Variants in ROBO2 observed in about 807,000 individuals in gnomAD.
ROBO2 encodes the protein roundabout homolog 2.
In ROBO2, 53 loss-of-function variants were observed where a neutral mutation model predicts 160.8. The ratio of observed to expected loss-of-function variants is 0.33; its 90% CI spans 0.26 to 0.41. The LOEUF is 0.41. Among genes scored for constraint, ROBO2 ranks in the 10% least tolerant of loss-of-function variants. The pLI is 1.00. For synonymous variants in ROBO2, 664 were observed against 611.7 expected, an observed-to-expected ratio of 1.09 and a Z score of -1.26; for missense variants, 1,577 against 1,722.4, an observed-to-expected ratio of 0.92 and a Z score of 1.49.
chr3:77,296,745 A>C (rs1006672714), intron 2 of ROBO2, among the ~76,000 whole-genome samples: 1 of 152,106 alleles, frequency 6.6e-6, no homozygotes, highest in African/African-American at 2.4e-5. Flanking sequence ...CTGAAAGGTT[A>C]CTTGCTGCTC....
chr3:77,031,252 A>G (rs1262088241), intron 2 of ROBO2, among the ~76,000 whole-genome samples: 2 of 152,080 alleles, frequency 1.3e-5, no homozygotes, highest in Non-Finnish European at 1.5e-5. Context: ...CAATATAACA[A>G]GAAATAGCCG....
At chr3:76,786,069 C>A (rs1441436049) in intron 2 of ROBO2, among the ~76,000 whole-genome samples, 1 of 151,126 alleles carries the variant, frequency 6.6e-6, no homozygotes, top group Non-Finnish European at 1.5e-5. Flanking sequence ...AGTTGGAAAA[C>A]CCATATATCA....
At chr3:76,706,769 G>A (rs2093171285) in intron 2 of ROBO2, among the ~76,000 whole-genome samples, 1 of 151,952 alleles carries the variant, frequency 6.6e-6, no homozygotes, top group Admixed American at 6.6e-5. Flanking sequence ...TAATGATTTA[G>A]TTAAGTGTTT....
At chr3:77,451,487 A>C (rs942810438) in intron 2 of ROBO2, among the ~76,000 whole-genome samples, 4 of 152,136 alleles carry the variant, frequency 2.6e-5, no homozygotes, top group Non-Finnish European at 4.4e-5. Flanking sequence ...ACGAAGGTCC[A>C]TAGGGTACAG....
chr3:77,600,883 T>C (rs781269048), intron 19 of ROBO2, among the ~76,000 whole-genome samples: 1 of 152,226 alleles, frequency 6.6e-6, no homozygotes, highest in Non-Finnish European at 1.5e-5. Context: ...TAATGTTATT[T>C]GCTTATACAA....
intron 2 of ROBO2, among the ~76,000 whole-genome samples, chr3:77,270,656 G>A (rs1318985888): frequency 1.3e-5 from 2 of 152,044 alleles, no homozygotes; most frequent in Admixed American, 6.6e-5. Context: ...TTTTTAGAAT[G>A]GTTTCTGGCC....
At chr3:76,401,737 GA>G (rs897506600) in intron 2 of ROBO2, among the ~76,000 whole-genome samples, 2 of 148,086 alleles carry the variant, frequency 1.4e-5, no homozygotes, top group South Asian at 2.1e-4. Context: ...ACTCTGACAA[GA>G]ACAAAAAAAA....
intron 2 of ROBO2, among the ~76,000 whole-genome samples, chr3:77,293,127 C>G (rs1268853231): frequency 3.7e-5 from 5 of 136,736 alleles, no homozygotes; most frequent in African/African-American, 1.4e-4. Context: ...CTAGATCACC[C>G]CAGACATAAA....
chr3:76,221,066 C>G (rs143981806), intron 2 of ROBO2, among the ~76,000 whole-genome samples: 343 of 152,306 alleles, frequency 2.3e-3, no homozygotes, highest in African/African-American at 7.9e-3. Context: ...TAGATATACT[C>G]TTCTTTACTT....
At chr3:77,048,258 C>G (rs1012139342) in intron 1 of ROBO2, among the ~76,000 whole-genome samples, 14 of 152,080 alleles carry the variant, frequency 9.2e-5, no homozygotes, top group Admixed American at 4.6e-4. Context: ...GATTTTTCAG[C>G]TGTGAGTCTT....
intron 2 of ROBO2, among the ~76,000 whole-genome samples, chr3:76,783,532 G>A (rs181860968): frequency 2.1e-4 from 30 of 143,874 alleles, no homozygotes; most frequent in Admixed American, 1.0e-3. Context: ...TTTTTTTCCA[G>A]TGCTTTCAAT....
At chr3:76,932,980 T>G (rs1345175400) in intron 2 of ROBO2, among the ~76,000 whole-genome samples, 1 of 152,138 alleles carries the variant, frequency 6.6e-6, no homozygotes, top group Non-Finnish European at 1.5e-5. Context: ...TGTAATTGTT[T>G]CAAGGAACAC....
intron 2 of ROBO2, among the ~76,000 whole-genome samples, chr3:77,376,777 A>G (rs1234227259): frequency 6.6e-6 from 1 of 152,226 alleles, no homozygotes; most frequent in African/African-American, 2.4e-5. Context: ...CAACACTAGC[A>G]GAGGGCTGGG....
chr3:77,064,464 G>A (rs1479941499), intron 1 of ROBO2, among the ~76,000 whole-genome samples: 11 of 151,020 alleles, frequency 7.3e-5, no homozygotes, highest in African/African-American at 1.2e-4. Flanking sequence ...AGGTTCAAGC[G>A]ATTCTCCAGC....
intron 6 of ROBO2, among the ~76,000 whole-genome samples, chr3:77,544,666 C>T (rs2092627218): frequency 1.3e-5 from 2 of 152,044 alleles, no homozygotes; most frequent in Non-Finnish European, 1.5e-5. Flanking sequence ...TTCTTTTCTC[C>T]TGAAGGACTG....
chr3:75,974,937 C>T (rs1031119066), intron 2 of ROBO2, among the ~76,000 whole-genome samples: 3 of 151,416 alleles, frequency 2.0e-5, no homozygotes, highest in Middle Eastern at 3.2e-3. Context: ...AATTGATGAG[C>T]TTTATTTTAT....
intron 2 of ROBO2, among the ~76,000 whole-genome samples, chr3:77,253,181 T>G (rs2090572608): frequency 6.6e-6 from 1 of 152,062 alleles, no homozygotes. Flanking sequence ...ATCTCTGAAG[T>G]CATGGTTTCA....
At chr3:76,081,104 C>T (rs187718639) in intron 2 of ROBO2, among the ~76,000 whole-genome samples, 372 of 151,882 alleles carry the variant, frequency 2.4e-3, no homozygotes, top group Non-Finnish European at 3.1e-3. Context: ...AGGGAAAATT[C>T]ATGAGAATCA....
intron 2 of ROBO2, among the ~76,000 whole-genome samples, chr3:76,194,348 GTGTAAATATATATATATATATA>G (rs1268369146): frequency 1.5e-4 from 7 of 45,746 alleles, no homozygotes; most frequent in African/African-American, 3.9e-4. Context: ...TATGTATGGT[GTGTAAATATATATATATATATA>G]TATATATATA....
Sources: gnomAD v4.1 joint callset for allele counts (sites outside exome capture counted in the v4.1 genomes callset) on GRCh38, gnomAD v4.1.1 for gene constraint, MANE v1.5 for transcripts, NCBI Gene and HGNC (gene_info 2026-07-23, HGNC 2026-07-21) for gene names.